The following WDFY2 variants were observed in gnomAD, a reference collection of about 807,000 sequenced individuals.
The protein encoded by WDFY2 is WD repeat and FYVE domain-containing protein 2.
Under a neutral mutation model 56.4 loss-of-function variants are expected in WDFY2, and 36 were observed. That is an observed-to-expected ratio of 0.64 (90% CI 0.49 to 0.84). WDFY2 has a LOEUF of 0.84. WDFY2 is among the 40% of genes least tolerant of loss of function. The pLI is 0.00. For missense variants in WDFY2, 444 were observed against 512.2 expected (o/e 0.87, Z 1.29); for synonymous variants, 176 against 183.7 (o/e 0.96, Z 0.34).
chr13:51,584,678 CCCT>C lies in WDFY2; in HGVS notation c.-4_-2del. On this transcript the variant is annotated 5_prime_UTR_variant, in exon 1 of 12. Coordinates refer to ENST00000298125, the MANE Select transcript of WDFY2 (RefSeq NM_052950.4). ...TTGGCGGCGGCGCCCCAGGCGCGCC[CCCT>C]CCTCCGATGGCGGCGGAGATCCAGC... 6.2e-7 allele frequency: 1 copy of C among 1,609,200 alleles called. No homozygotes were observed. The highest frequency in any genetic ancestry group is 8.5e-7 in the Non-Finnish European group (1 of 1,178,358).
intron 7 of WDFY2, among the ~76,000 whole-genome samples, chr13:51,748,626 C>T (rs1040783923): frequency 6.7e-6 from 1 of 149,260 alleles, no homozygotes; most frequent in Non-Finnish European, 1.5e-5. Context: ...CTCTCTCTCT[C>T]TTTTTTTTTT....
At chr13:51,632,047 G>A (rs1030580249) in intron 1 of WDFY2, among the ~76,000 whole-genome samples, 4 of 152,054 alleles carry the variant, frequency 2.6e-5, no homozygotes, top group Admixed American at 6.5e-5. Context: ...GATAATTATA[G>A]TATTGATAAT....
chr13:51,707,939 C>CTTTTTTTTTTTTTTTT lies in WDFY2; in HGVS notation c.334+4306_334+4321dup, dbSNP rs56054205. On this transcript the variant is annotated intron_variant, in intron 4 of 11. Transcript: ENST00000298125. ...ATATATACTATTAACCCTAAAACAA[C>CTTTTTTTTTTTTTTTT]TTTTTTTTTTTTTTTTTTTTTTTTT... Among the ~76,000 whole-genome samples, 17 of 57,570 alleles carry CTTTTTTTTTTTTTTTT rather than the reference C, an allele frequency of 3.0e-4. 1 individual carries two copies. Among genetic ancestry groups the CTTTTTTTTTTTTTTTT allele is most frequent in the Admixed American group, 9.6e-4 (3 of 3,110 alleles). The allele number at this position is 57,570 out of a possible 152,430, so 37.8% of individuals were successfully genotyped here. A position where few individuals can be genotyped will look rare whatever the true frequency, so the allele number is the denominator to read the frequency against.
chr13:51,660,644 C>G lies in WDFY2; in HGVS notation c.186C>G (p.Ser62Arg), dbSNP rs201069156. ...GAGACAGTGGACAGTATTGGCCAAG[C>G]GTATACCATGCAATGCCTTGTAAGT... is the stretch of plus-strand genomic sequence containing the variant. ...LKRDSGQYWP[S>R]VYHAMPSPCS... The change falls in exon 2 of 12, where the codon AGC becomes AGG. Residue 62 changes from serine to arginine, a missense_variant. Transcript: ENST00000298125. 478 of 1,613,822 alleles carry G rather than the reference C, an allele frequency of 3.0e-4. No individual in the cohort carries two copies. Among genetic ancestry groups the G allele is most frequent in the Non-Finnish European group, 3.1e-4 (368 of 1,179,808 alleles).
chr13:51,651,161 G>A (rs1214787192), intron 1 of WDFY2, among the ~76,000 whole-genome samples: 1 of 152,174 alleles, frequency 6.6e-6, no homozygotes, highest in African/African-American at 2.4e-5. Flanking sequence ...ATGTGTCAAG[G>A]AATTTATCCA....
intron 3 of WDFY2, among the ~76,000 whole-genome samples, chr13:51,687,253 AC>A (rs1261600451): frequency 4.6e-5 from 7 of 152,006 alleles, no homozygotes; most frequent in Non-Finnish European, 1.0e-4. Context: ...TACTTGAGAT[AC>A]ATCAAAATAT....
chr13:51,640,470 C>T (rs761014895), intron 1 of WDFY2, among the ~76,000 whole-genome samples: 1 of 152,182 alleles, frequency 6.6e-6, no homozygotes, highest in Non-Finnish European at 1.5e-5. Flanking sequence ...TTAGATTACT[C>T]TATCATTTTA....
intron 1 of WDFY2, among the ~76,000 whole-genome samples, chr13:51,638,374 G>A (rs1955092421): frequency 6.6e-6 from 1 of 152,174 alleles, no homozygotes; most frequent in South Asian, 2.1e-4. Context: ...TCACATTAAG[G>A]AGGAAGAATT....
At chr13:51,653,409 G>A (rs1955443479) in intron 1 of WDFY2, among the ~76,000 whole-genome samples, 1 of 152,184 alleles carries the variant, frequency 6.6e-6, no homozygotes, top group African/African-American at 2.4e-5. Context: ...ACTCGTCAAA[G>A]TCATTCTCCG....
chr13:51,655,021 A>C (rs1300226062), intron 1 of WDFY2, among the ~76,000 whole-genome samples: 1 of 152,132 alleles, frequency 6.6e-6, no homozygotes, highest in Non-Finnish European at 1.5e-5. Flanking sequence ...GTTATTAGAA[A>C]CACAGATGGT....
chr13:51,745,984 T>C (rs1437511367), intron 7 of WDFY2, among the ~76,000 whole-genome samples: 1 of 142,372 alleles, frequency 7.0e-6, no homozygotes, highest in East Asian at 2.0e-4. Flanking sequence ...TTTTTTTTTT[T>C]TTTTTTTTTT....
intron 7 of WDFY2, among the ~76,000 whole-genome samples, chr13:51,751,035 A>C (rs1953222166): frequency 6.6e-6 from 1 of 152,230 alleles, no homozygotes; most frequent in Admixed American, 6.5e-5. Context: ...GTTACAGCCC[A>C]TTCAACAATC....
At chr13:51,740,523 G>A (rs1208458467) in intron 7 of WDFY2, among the ~76,000 whole-genome samples, 2 of 152,170 alleles carry the variant, frequency 1.3e-5, no homozygotes. Flanking sequence ...AGACCAGCCT[G>A]GCCAACATGG....
intron 1 of WDFY2, among the ~76,000 whole-genome samples, chr13:51,649,201 T>C (rs752588620): frequency 6.6e-6 from 1 of 152,184 alleles, no homozygotes; most frequent in Non-Finnish European, 1.5e-5. Flanking sequence ...TGAGACCGAC[T>C]ATGGGCTACT....
chr13:51,706,609 G>A (rs1209900162), intron 4 of WDFY2, among the ~76,000 whole-genome samples: 1 of 152,152 alleles, frequency 6.6e-6, no homozygotes, highest in Non-Finnish European at 1.5e-5. Flanking sequence ...AACCTGAACT[G>A]AAAACTTTTG....
intron 1 of WDFY2, among the ~76,000 whole-genome samples, chr13:51,645,355 G>A (rs1044542237): frequency 6.6e-6 from 1 of 151,928 alleles, no homozygotes; most frequent in African/African-American, 2.4e-5. Context: ...CTTCAGTTGT[G>A]GCAAAAATAA....
rs879920120 is a variant in WDFY2 at position 51,705,571 on chromosome 13, GT to G, written c.334+1932del. Among the ~76,000 whole-genome samples the G allele has an allele frequency of 4.2e-4, 59 of 141,128 alleles. 1 individual carries two copies. Among genetic ancestry groups the G allele is most frequent in the Middle Eastern group, 3.6e-3 (1 of 274 alleles). 92.6% of individuals were successfully genotyped at this position (141,128 alleles called of 152,430 possible). ...ACTTGAATTGTTTGTTTTTTTCTTT[GT>G]TTTTTTTTTTAATTTTTAATTTTTA... On this transcript the variant is annotated intron_variant, in intron 4 of 11. Coordinates refer to ENST00000298125, the MANE Select transcript of WDFY2 (RefSeq NM_052950.4).
intron 1 of WDFY2, among the ~76,000 whole-genome samples, chr13:51,649,532 G>A (rs141485399): frequency 0.013 from 2,005 of 151,196 alleles, 40 homozygotes; most frequent in African/African-American, 0.047. Context: ...CCGTTAACTC[G>A]TAATTTAACA....
intron 3 of WDFY2, among the ~76,000 whole-genome samples, chr13:51,687,247 T>C (rs1956076830): frequency 6.6e-6 from 1 of 151,978 alleles, no homozygotes; most frequent in Non-Finnish European, 1.5e-5. Flanking sequence ...TCTAGGTACT[T>C]GAGATACATC....
Sources: allele counts gnomAD v4.1 joint callset (sites outside exome capture counted in the v4.1 genomes callset), GRCh38; gene constraint gnomAD v4.1.1; transcripts MANE v1.5; gene names NCBI Gene and HGNC (gene_info 2026-07-23, HGNC 2026-07-21).